Variants in IL20RB observed in about 807,000 individuals in gnomAD.
IL20RB encodes interleukin 20 receptor subunit beta, also known as interleukin-20 receptor subunit beta.
A neutral mutation model predicts 33.3 loss-of-function variants in IL20RB; 21 were observed. That is an observed-to-expected ratio of 0.63 (90% CI 0.45 to 0.91). The LOEUF (loss-of-function observed/expected upper bound fraction) is 0.91, where lower values mean the gene tolerates loss of function less well. IL20RB is among the 40% of genes least tolerant of loss of function. The pLI, the probability that IL20RB is intolerant of heterozygous loss-of-function variation, is 0.00. For missense variants in IL20RB, 345 were observed against 384.8 expected, an observed-to-expected ratio of 0.90 and a Z score of 0.86; for synonymous variants, 147 against 146.8, an observed-to-expected ratio of 1.00 and a Z score of -0.01.
In IL20RB at chr3:136,991,983, G is replaced by A. The variant is rs1330230306; in HGVS notation, c.577G>A (p.Glu193Lys). 1 of 1,614,214 alleles carries A rather than the reference G, an allele frequency of 6.2e-7. No homozygotes were observed. Among genetic ancestry groups the A allele is most frequent in the Non-Finnish European group, 8.5e-7 (1 of 1,180,038 alleles). The change falls in exon 5 of 7, where the codon GAA becomes AAA. Residue 193 changes from glutamate to lysine, a missense_variant. By Grantham distance (56) the Glu-to-Lys change is moderately conservative. Coordinates refer to ENST00000329582, the MANE Select transcript of IL20RB (RefSeq NM_144717.4). ...VRSGGIPVHL[E>K]TMEPGAAYCV... ...GAGTGGGGGTATTCCAGTGCACCTA[G>A]AAACCATGGAGCCAGGGGCTGCATA...
chr3:136,983,654 A>G (rs1047232318), intron 3 of IL20RB, among the ~76,000 whole-genome samples: 2 of 152,202 alleles, frequency 1.3e-5, no homozygotes, highest in African/African-American at 4.8e-5. Flanking sequence ...TGGTGAGAAC[A>G]CCAGCTAAGG....
intron 5 of IL20RB, among the ~76,000 whole-genome samples, chr3:136,994,451 G>A (rs775574386): frequency 1.4e-4 from 22 of 152,150 alleles, no homozygotes; most frequent in Non-Finnish European, 2.6e-4. Context: ...AGGAGTGGAT[G>A]AAAGGGTATG....
At chr3:136,997,617 T>C (rs1330408542) in intron 6 of IL20RB, among the ~76,000 whole-genome samples, 3 of 151,912 alleles carry the variant, frequency 2.0e-5, no homozygotes, top group Admixed American at 6.5e-5. Context: ...TATATCTTTT[T>C]TATTTTTTTA....
intron 1 of IL20RB, among the ~76,000 whole-genome samples, chr3:136,958,840 A>C (rs1164885983): frequency 6.6e-6 from 1 of 152,136 alleles, no homozygotes; most frequent in Non-Finnish European, 1.5e-5. Context: ...AATCACGTTT[A>C]AGAGAAACTT....
At chr3:136,964,550 T>A (rs879359901) in intron 1 of IL20RB, among the ~76,000 whole-genome samples, 557 of 49,662 alleles carry the variant, frequency 0.011, no homozygotes, top group East Asian at 0.015. Context: ...TGTTTGTTTT[T>A]TTCTTGTAAA....
intron 1 of IL20RB, among the ~76,000 whole-genome samples, chr3:136,979,509 AG>A (rs1290490140): frequency 1.3e-5 from 2 of 152,250 alleles, no homozygotes; most frequent in Non-Finnish European, 2.9e-5. Flanking sequence ...CAGAGAGTTC[AG>A]ACTGTACCTT....
intron 6 of IL20RB, among the ~76,000 whole-genome samples, chr3:137,008,973 G>A (rs1933009563): frequency 6.6e-6 from 1 of 152,182 alleles, no homozygotes; most frequent in South Asian, 2.1e-4. Flanking sequence ...CAGATGTAGG[G>A]AGTTAGTGTC....
chr3:137,005,283 G>C (rs991424598), intron 6 of IL20RB, among the ~76,000 whole-genome samples: 1 of 152,158 alleles, frequency 6.6e-6, no homozygotes, highest in Non-Finnish European at 1.5e-5. Flanking sequence ...TATTAGGTCT[G>C]CTTGTTGCAG....
rs1383303522 is a variant in IL20RB at position 137,010,404 on chromosome 3, G to T, written c.*181G>T. 4 of 551,468 alleles carry T rather than the reference G, an allele frequency of 7.3e-6. No homozygotes were observed. The African/African-American group carries it at 7.6e-5, about 10-fold the overall frequency. 34.2% of individuals were successfully genotyped at this position (551,468 alleles called of 1,614,324 possible). A position where few individuals can be genotyped will look rare whatever the true frequency, so the allele number is the denominator to read the frequency against. On this transcript the variant is annotated 3_prime_UTR_variant, in exon 7 of 7. Transcript: ENST00000329582. The stretch of plus-strand genomic sequence containing the variant: ...AGGGTGGTTTGTCTAACAGAACACT[G>T]ACTGAGGCTTAGGGGATGTGACCTC...
At chr3:136,993,481 T>TTA (rs1194061961) in intron 5 of IL20RB, among the ~76,000 whole-genome samples, 1 of 152,186 alleles carries the variant, frequency 6.6e-6, no homozygotes, top group Admixed American at 6.5e-5. Flanking sequence ...TGCAGGTTTG[T>TTA]TACATATGTA....
At chr3:136,987,960 G>C (rs1017673848) in intron 3 of IL20RB, among the ~76,000 whole-genome samples, 2 of 152,264 alleles carry the variant, frequency 1.3e-5, no homozygotes, top group Middle Eastern at 3.4e-3. Context: ...GTTCCAGCTC[G>C]CGCCTCTCCC....
chr3:136,987,327 A>AGC (rs1941927427), intron 3 of IL20RB, among the ~76,000 whole-genome samples: 1 of 152,118 alleles, frequency 6.6e-6, no homozygotes, highest in Non-Finnish European at 1.5e-5. Flanking sequence ...AAGGTTCTCC[A>AGC]AGGCCCCACC....
chr3:136,986,486 T>A (rs1264636408), intron 3 of IL20RB, among the ~76,000 whole-genome samples: 7 of 152,238 alleles, frequency 4.6e-5, no homozygotes, highest in Admixed American at 3.9e-4. Flanking sequence ...CAAATATCTG[T>A]TTCCCTTCTG....
At chr3:136,994,575 C>T (rs550887567) in intron 5 of IL20RB, among the ~76,000 whole-genome samples, 2 of 152,300 alleles carry the variant, frequency 1.3e-5, no homozygotes, top group East Asian at 3.9e-4. Context: ...ATTGACTGGG[C>T]TACCCTTCAC....
chr3:136,986,868 T>G, intron 3 of IL20RB: 1 of 415,506 alleles, frequency 2.4e-6, no homozygotes, highest in Non-Finnish European at 4.8e-6. Context: ...TTCCTTCTGG[T>G]GGGTTCCTAG....
chr3:136,970,647 C>CTTCCTTCA (rs1941454012), intron 1 of IL20RB, among the ~76,000 whole-genome samples: 1 of 79,366 alleles, frequency 1.3e-5, no homozygotes. Context: ...TCCTTCCTTC[C>CTTCCTTCA]TTCCTTCCTT....
chr3:136,990,881 C>A (rs1942018658), intron 4 of IL20RB, among the ~76,000 whole-genome samples: 1 of 152,202 alleles, frequency 6.6e-6, no homozygotes, highest in Non-Finnish European at 1.5e-5. Context: ...GCCAGCCAGG[C>A]AGATGGAGTA....
At chr3:136,987,865 C>G (rs376092097) in intron 3 of IL20RB, among the ~76,000 whole-genome samples, 4 of 152,178 alleles carry the variant, frequency 2.6e-5, no homozygotes, top group African/African-American at 9.6e-5. Context: ...CCGGCAGGGC[C>G]GGCCGGCTGC....
At chr3:136,973,149 A>G (rs1456728249) in intron 1 of IL20RB, among the ~76,000 whole-genome samples, 1 of 152,044 alleles carries the variant, frequency 6.6e-6, no homozygotes, top group Non-Finnish European at 1.5e-5. Context: ...GTTTTATTCC[A>G]TTGTGCTCTG....
Sources: gnomAD v4.1 joint callset for allele counts (sites outside exome capture counted in the v4.1 genomes callset) on GRCh38, gnomAD v4.1.1 for gene constraint, MANE v1.5 for transcripts, NCBI Gene and HGNC (gene_info 2026-07-23, HGNC 2026-07-21) for gene names.